The following HMGB3 variants were observed in gnomAD, a reference collection of about 807,000 sequenced individuals.
HMGB3 encodes high mobility group box 3, also known as high mobility group protein B3.
In HMGB3, 1 loss-of-function variant was observed where a neutral mutation model predicts 12.9. That is an observed-to-expected ratio of 0.08 (90% confidence interval 0.03 to 0.37). The LOEUF is 0.37. Among genes scored for constraint, HMGB3 ranks in the 10% least tolerant of loss-of-function variants. HMGB3 has a pLI of 0.99. For synonymous variants in HMGB3, 61 were observed against 53.9 expected, an observed-to-expected ratio of 1.13 and a Z score of -0.57; for missense variants, 74 against 153.3, an observed-to-expected ratio of 0.48 and a Z score of 2.73.
upstream of HMGB3, among the ~76,000 whole-genome samples, chrX:150,982,081 C>T (rs1320128404): frequency 2.7e-5 from 3 of 112,250 alleles, no homozygotes; most frequent in Admixed American, 2.8e-4. Flanking sequence ...CTCCAACTGT[C>T]AATCTTTAAA....
In HMGB3 at chrX:150,983,665, C is replaced by T. The variant is rs1310994432; in HGVS notation, c.-6+289C>T. The stretch of plus-strand genomic sequence containing the variant: ...TCGGCCCCCTCGGCGGACGCCCGCC[C>T]GTGGCGGCCCCAGGGGCCGCAGCCG... On this transcript the variant is annotated intron_variant, in intron 1 of 4. Coordinates refer to ENST00000325307, the MANE Select transcript of HMGB3 (RefSeq NM_005342.4). 6.0e-6 allele frequency: 4 copies of T among 669,852 alleles called. No homozygotes were observed. In the East Asian group the frequency reaches 6.4e-4, roughly 106 times the overall value. The allele number at this position is 669,852 out of a possible 1,213,427, so 55.2% of individuals were successfully genotyped here.
At chrX:150,980,596 A>AG, upstream of HMGB3, 1 of 746,960 alleles carries the variant, frequency 1.3e-6, no homozygotes, top group Non-Finnish European at 1.6e-6. Context: ...TCCTATGCAA[A>AG]GGATGGAAAT....
rs562132451 is a variant in HMGB3, at chrX:150,989,919, C to T, written c.*2005C>T. On this transcript the variant is annotated 3_prime_UTR_variant, in exon 5 of 5. Transcript: ENST00000325307. ...GATCTCTTATGTGTTCATAGCCATT[C>T]GCTCTCCCATCAGAACTGTTTGTCC... The T allele has an allele frequency of 1.8e-5, 2 of 111,652 alleles. No homozygotes were observed. The highest frequency in any genetic ancestry group is 6.5e-5 in the African/African-American group (2 of 30,779). 9.2% of individuals were successfully genotyped at this position (111,652 alleles called of 1,213,427 possible). A position where few individuals can be genotyped will look rare whatever the true frequency, so the allele number is the denominator to read the frequency against.
chrX:150,981,647 G>A (rs1355703042), upstream of HMGB3, among the ~76,000 whole-genome samples: 2 of 110,202 alleles, frequency 1.8e-5, no homozygotes, highest in Non-Finnish European at 3.8e-5. Context: ...TAGTAGAGAC[G>A]GGGCTTCATC....
intron 1 of HMGB3, among the ~76,000 whole-genome samples, chrX:150,985,150 AGTT>A (rs1252547871): frequency 2.7e-5 from 3 of 111,434 alleles, no homozygotes; most frequent in Non-Finnish European, 5.7e-5. Flanking sequence ...CAGTGGTAAG[AGTT>A]GTTGTTTTTA....
At position 150,988,992 on chromosome X, in the gene HMGB3, C is replaced by T. The variant is rs940788520; in HGVS notation, c.*1078C>T. 1.8e-5 allele frequency: 2 copies of T among 111,298 alleles called. No homozygotes were observed. The highest frequency in any genetic ancestry group is 2.8e-4 in the East Asian group (1 of 3,557). The allele number at this position is 111,298 out of a possible 1,213,427, so 9.2% of individuals were successfully genotyped here. A position where few individuals can be genotyped will look rare whatever the true frequency, so the allele number is the denominator to read the frequency against. On this transcript the variant is annotated 3_prime_UTR_variant, in exon 5 of 5. Transcript: ENST00000325307. ...ATGAAGTCTGGAGGAGTTAGGAGAA[C>T]GACATAGGCAAGGTTCAGCAGCCTT...
upstream of HMGB3, among the ~76,000 whole-genome samples, chrX:150,982,776 C>T (rs1469685650): frequency 1.8e-5 from 2 of 113,256 alleles, no homozygotes; most frequent in Admixed American, 1.8e-4. Context: ...GAGGTCTTGG[C>T]GAGCAAGCAG....
intron 1 of HMGB3, chrX:150,984,655 A>AC: frequency 3.3e-6 from 2 of 613,409 alleles, no homozygotes; most frequent in Non-Finnish European, 3.9e-6. Flanking sequence ...GTGACCCGGC[A>AC]CGGGGGCCGA....
chrX:150,984,503 C>T (rs1344544118), intron 1 of HMGB3: 2 of 232,387 alleles, frequency 8.6e-6, no homozygotes, highest in African/African-American at 3.1e-5. Flanking sequence ...GCCGCCGGCC[C>T]GGCCGCACAC....
chrX:150,984,025 C>G (rs1603339386), intron 1 of HMGB3, among the ~76,000 whole-genome samples: 1 of 101,765 alleles, frequency 9.8e-6, no homozygotes, highest in African/African-American at 3.5e-5. Flanking sequence ...CGGCCGCCCC[C>G]CTCTCGCCTC....
chrX:150,986,002 G>C, intron 2 of HMGB3, 49 bp from the exon 3 acceptor site: 1 of 1,170,150 alleles, frequency 8.5e-7, no homozygotes, highest in Non-Finnish European at 1.2e-6. Flanking sequence ...AAACTGAATA[G>C]GTATGTGTTC....
chrX:150,980,903 CCCA>C (rs371752447), upstream of HMGB3, among the ~76,000 whole-genome samples: 655 of 112,897 alleles, frequency 5.8e-3, 3 homozygotes, highest in African/African-American at 0.02. Context: ...CCCTGGTTCC[CCCA>C]CCAAGGTGCC....
rs2048077200 is a variant in HMGB3 at position 150,988,398 on chromosome X, A to G, written c.*484A>G. ...GGCTGTGGGGAAGATGCCTTTTGGG[A>G]GAGGCTGTAGCTCAGGGCGTGCACT... On this transcript the variant is annotated 3_prime_UTR_variant, in exon 5 of 5. Coordinates refer to ENST00000325307, the MANE Select transcript of HMGB3 (RefSeq NM_005342.4). The G allele has an allele frequency of 8.8e-6, 1 of 113,738 alleles. No individual in the cohort carries two copies. Among genetic ancestry groups the G allele is most frequent in the African/African-American group, 3.3e-5 (1 of 30,404 alleles). 9.4% of individuals were successfully genotyped at this position (113,738 alleles called of 1,213,427 possible).
At chrX:150,983,506 C>T (rs2048011632) in intron 1 of HMGB3, 130 bp downstream of exon 1, 1 of 723,980 alleles carries the variant, frequency 1.4e-6, no homozygotes, top group South Asian at 6.7e-5. Flanking sequence ...CCTGCCGCCG[C>T]CTCCCCCTGC....
At chrX:150,984,486 C>G (rs1603339493) in intron 1 of HMGB3, 1 of 160,285 alleles carries the variant, frequency 6.2e-6, no homozygotes, top group African/African-American at 3.2e-5. Flanking sequence ...CCACCAGTGC[C>G]GCGGCTGCCG....
intron 1 of HMGB3, among the ~76,000 whole-genome samples, chrX:150,985,076 C>T (rs951628304): frequency 9.0e-6 from 1 of 111,559 alleles, no homozygotes; most frequent in Non-Finnish European, 1.9e-5. Flanking sequence ...CAAAACACAT[C>T]AACAATAGTG....
At chrX:150,983,426 C>T (rs1401556279) in intron 1 of HMGB3, 50 bp downstream of exon 1, 1 of 679,552 alleles carries the variant, frequency 1.5e-6, no homozygotes, top group Non-Finnish European at 1.7e-6. Flanking sequence ...GCCGCCGCCG[C>T]CGCCGCCGCC....
chrX:150,984,003 G>T (rs1345932181), intron 1 of HMGB3, among the ~76,000 whole-genome samples: 3 of 102,738 alleles, frequency 2.9e-5, no homozygotes, highest in Non-Finnish European at 6.1e-5. Context: ...GGTGGCCCGG[G>T]GGGGCGCGGG....
intron 1 of HMGB3, chrX:150,983,693 A>G (rs2048014126): frequency 2.2e-6 from 1 of 464,876 alleles, no homozygotes; most frequent in South Asian, 1.1e-4. Context: ...CGCAGCCGGG[A>G]ACCCAGGGCC....
Sources: gnomAD v4.1 joint callset for allele counts (sites outside exome capture counted in the v4.1 genomes callset) on GRCh38, gnomAD v4.1.1 for gene constraint, MANE v1.5 for transcripts, NCBI Gene and HGNC (gene_info 2026-07-23, HGNC 2026-07-21) for gene names.